GGA1: variants seen among roughly 807,000 people sequenced by gnomAD.
The protein encoded by GGA1 is ADP-ribosylation factor-binding protein GGA1.
A neutral mutation model predicts 76.9 loss-of-function variants in GGA1; 18 were observed. The observed-to-expected ratio is 0.23, with a 90% CI of 0.16 to 0.35. GGA1 has a LOEUF of 0.35. GGA1 is among the 10% of genes least tolerant of loss of function. The pLI, the probability that GGA1 is intolerant of heterozygous loss-of-function variation, is 1.00. For missense variants in GGA1, 755 were observed against 859.0 expected, an observed-to-expected ratio of 0.88 and a Z score of 1.51; for synonymous variants, 342 against 354.7, an observed-to-expected ratio of 0.96 and a Z score of 0.40.
At chr22:37,622,114 T>C (rs528068489) in intron 7 of GGA1, among the ~76,000 whole-genome samples, 1 of 152,262 alleles carries the variant, frequency 6.6e-6, no homozygotes, top group East Asian at 1.9e-4. Flanking sequence ...GGACTCACTC[T>C]CTAGCCCAAG....
intron 6 of GGA1, 73 bp downstream of exon 6, chr22:37,620,986 C>T (rs750657770): frequency 7.1e-5 from 63 of 883,886 alleles, no homozygotes; most frequent in Non-Finnish European, 1.0e-4. Context: ...CCTCTAGCTG[C>T]CCTGGCATCA....
Position 37,633,046 on chromosome 22 carries a change from C to T in GGA1, c.*335C>T. Reference sequence around the variant, plus strand: ...TTGGGGAAGGGCCAGGACCTCAGGCCCAGCCCCAACCCCAGCTGGGGTGGG... The same window carrying T: ...TTGGGGAAGGGCCAGGACCTCAGGCTCAGCCCCAACCCCAGCTGGGGTGGG... On this transcript the variant is annotated 3_prime_UTR_variant, in exon 17 of 17. Coordinates refer to ENST00000343632, the MANE Select transcript of GGA1 (RefSeq NM_013365.5). The T allele has an allele frequency of 3.6e-6, 1 of 274,724 alleles. No homozygotes were observed. The highest frequency in any genetic ancestry group is 7.1e-6 in the Non-Finnish European group (1 of 140,926). 17.0% of individuals were successfully genotyped at this position (274,724 alleles called of 1,614,324 possible). A position where few individuals can be genotyped will look rare whatever the true frequency, so the allele number is the denominator to read the frequency against.
chr22:37,624,933 C>G lies in GGA1; in HGVS notation c.833-36C>G. 1 of 1,551,096 alleles carries G rather than the reference C, an allele frequency of 6.4e-7. No homozygotes were observed. The highest frequency in any genetic ancestry group is 8.7e-7 in the Non-Finnish European group (1 of 1,146,790). On this transcript the variant is annotated intron_variant, in intron 9 of 16. Transcript: ENST00000343632. This position sits in a 1 kb window ranked among gnomAD's most constrained non-coding sequence, Gnocchi z 4.3. Reference sequence around the variant, plus strand: ...CCTGCCGCCCAGAGGCCCCCACAGTCCTTCAGCCTGGCCTCTCCCCTCCTG... The same window carrying G: ...CCTGCCGCCCAGAGGCCCCCACAGTGCTTCAGCCTGGCCTCTCCCCTCCTG...
intron 3 of GGA1, chr22:37,617,963 A>C (rs138206053): frequency 3.3e-3 from 505 of 155,206 alleles, no homozygotes; most frequent in Non-Finnish European, 5.6e-3. Flanking sequence ...GTCTACTAAA[A>C]ATAAAAAATT....
intron 1 of GGA1, among the ~76,000 whole-genome samples, chr22:37,613,407 T>G (rs1928117364): frequency 1.3e-5 from 2 of 151,312 alleles, no homozygotes; most frequent in Non-Finnish European, 1.5e-5. Context: ...TTTGTTTGTT[T>G]GAGACGGAGT....
chr22:37,613,021 A>G, intron 1 of GGA1: 1 of 985,398 alleles, frequency 1.0e-6, no homozygotes, highest in Non-Finnish European at 1.2e-6. Flanking sequence ...TTCATTTGCC[A>G]AGGGGAGACA....
Position 37,632,052 on chromosome 22 carries a change from T to G in GGA1, c.1585T>G (p.Phe529Val). ...GCACGGCTTCCGCATCCTCTTCCAT[T>G]TTGCCCGGGACCCACTGCCAGGGCG... ...DQHGFRILFH[F>V]ARDPLPGRSD... The change falls in exon 15 of 17, where the codon TTT becomes GTT. Residue 529 changes from phenylalanine to valine, a missense_variant. Coordinates refer to ENST00000343632, the MANE Select transcript of GGA1 (RefSeq NM_013365.5). The surrounding 1 kb of genome is among the most constrained non-coding windows in gnomAD (Gnocchi z 5.1). The G allele has an allele frequency of 6.2e-7, 1 of 1,613,568 alleles. No individual in the cohort carries two copies. The highest frequency in any genetic ancestry group is 8.5e-7 in the Non-Finnish European group (1 of 1,179,926).
chr22:37,609,274 C>G, intron 1 of GGA1: 3 of 1,141,570 alleles, frequency 2.6e-6, no homozygotes, highest in South Asian at 1.8e-5. Context: ...GGGGTTGCAT[C>G]TCACACCCGG....
intron 13 of GGA1, 138 bp from the exon 14 acceptor site, chr22:37,630,765 G>T (rs554065934): frequency 1.6e-6 from 1 of 633,228 alleles, no homozygotes; most frequent in Non-Finnish European, 2.8e-6. Context: ...ACCGGGTTTC[G>T]CCATGTTGCC....
At position 37,632,663 on chromosome 22, in the gene GGA1, G is replaced by A. The variant is rs748465828; in HGVS notation, c.1872G>A (p.Met624Ile). 15 of 1,613,164 alleles carry A rather than the reference G, an allele frequency of 9.3e-6. No individual in the cohort carries two copies. The highest frequency in any genetic ancestry group is 9.3e-6 in the Non-Finnish European group (11 of 1,179,332). ...FTMGDQTYNE[M>I]GDVDQFPPPE... ...TGGGTGACCAGACCTACAACGAGATGGGGGATGTGGACCAGTTCCCCCCAC... is the reference window on the plus strand; with the variant it reads ...TGGGTGACCAGACCTACAACGAGATAGGGGATGTGGACCAGTTCCCCCCAC... Residue 624 changes from methionine to isoleucine, a missense_variant, in exon 17 of 17, where the codon ATG becomes ATA. By Grantham distance (10) the Met-to-Ile change is conservative. Transcript: ENST00000343632. The surrounding 1 kb of genome is among the most constrained non-coding windows in gnomAD (Gnocchi z 5.1).
intron 1 of GGA1, among the ~76,000 whole-genome samples, chr22:37,613,575 A>T (rs1429360764): frequency 1.3e-5 from 2 of 151,806 alleles, no homozygotes; most frequent in Non-Finnish European, 2.9e-5. Flanking sequence ...TAATTTTTGT[A>T]TTTTTAGTAG....
chr22:37,626,111 C>T (rs537346709), intron 11 of GGA1, 162 bp downstream of exon 11: 3 of 480,290 alleles, frequency 6.2e-6, no homozygotes, highest in East Asian at 3.4e-5. Flanking sequence ...AACTGAGGCT[C>T]GGGGAAGTTA....
In GGA1 at chr22:37,632,256, C is replaced by A; in HGVS notation, c.1698+91C>A. 1 of 1,379,064 alleles carries A rather than the reference C, an allele frequency of 7.3e-7. No individual in the cohort carries two copies. The highest frequency in any genetic ancestry group is 1.0e-6 in the Non-Finnish European group (1 of 983,782). The allele number at this position is 1,379,064 out of a possible 1,614,324, so 85.4% of individuals were successfully genotyped here. On this transcript the variant is annotated intron_variant, in intron 15 of 16. Transcript: ENST00000343632. This position sits in a 1 kb window ranked among gnomAD's most constrained non-coding sequence, Gnocchi z 5.1. ...GGGAGCCACCTGTCAGGGGGCAGGTCTCCCTCCCTTGCTGGGTGGTTGGTG... is the reference window on the plus strand; with the variant it reads ...GGGAGCCACCTGTCAGGGGGCAGGTATCCCTCCCTTGCTGGGTGGTTGGTG...
intron 11 of GGA1, 94 bp from the exon 12 acceptor site, chr22:37,629,368 T>C (rs2071766): frequency 0.57 from 461,979 of 812,504 alleles, 133,739 homozygotes; most frequent in African/African-American, 0.78. Flanking sequence ...CAGAAAGGGG[T>C]AGGGAGCCCC....
Position 37,629,986 on chromosome 22 carries a change from T to C in GGA1, c.1159-12T>C. 3.3e-6 allele frequency: 5 copies of C among 1,525,354 alleles called. No homozygotes were observed. The highest frequency in any genetic ancestry group is 1.4e-5 in the African/African-American group (1 of 71,790). The allele number at this position is 1,525,354 out of a possible 1,614,324, so 94.5% of individuals were successfully genotyped here. ...AGACAGCCCCACCCCACCTGCATCC[T>C]TTTCCCCACAGTCGTCGGATGCCAC... On this transcript the variant is annotated splice_polypyrimidine_tract_variant and intron_variant, in intron 12 of 16. Transcript: ENST00000343632.
chr22:37,610,233 G>T (rs1489100718), intron 1 of GGA1: 1 of 152,234 alleles, frequency 6.6e-6, no homozygotes, highest in Non-Finnish European at 1.5e-5. Context: ...GGGTTTGGCT[G>T]GGCCCTGACA....
intron 13 of GGA1, 97 bp downstream of exon 13, chr22:37,630,267 G>T (rs1437789769): frequency 1.2e-6 from 1 of 864,300 alleles, no homozygotes; most frequent in East Asian, 2.9e-5. Flanking sequence ...GCAGGGAGAG[G>T]CTCGTTGCTG....
In GGA1 at chr22:37,617,669, A is replaced by G; in HGVS notation, c.204+672A>G. 4 of 619,990 alleles carry G rather than the reference A, an allele frequency of 6.5e-6. No homozygotes were observed. The South Asian group carries it at 2.9e-4, about 45-fold the overall frequency. 38.4% of individuals were successfully genotyped at this position (619,990 alleles called of 1,614,324 possible). On this transcript the variant is annotated intron_variant, in intron 3 of 16. Coordinates refer to ENST00000343632, the MANE Select transcript of GGA1 (RefSeq NM_013365.5). Reference sequence around the variant, plus strand: ...AGCTATGATTGTGCCACTGTACTCCAGACTGGACAACAGAGTGAGACCCCA... The same window carrying G: ...AGCTATGATTGTGCCACTGTACTCCGGACTGGACAACAGAGTGAGACCCCA...
In GGA1 at chr22:37,632,079, T is replaced by C; in HGVS notation, c.1612T>C (p.Ser538Pro). The C allele has an allele frequency of 6.2e-7, 1 of 1,613,712 alleles. No homozygotes were observed. ...TGCCCGGGACCCACTGCCAGGGCGC[T>C]CCGACGTGCTGGTGGTGGTGGTTTC... is the stretch of plus-strand genomic sequence containing the variant. ...HFARDPLPGRSDVLVVVVSML... is the reference protein window; with the variant it reads ...HFARDPLPGRPDVLVVVVSML... The change falls in exon 15 of 17, where the codon TCC becomes CCC. Residue 538 changes from serine (S) to proline (P), a missense_variant. By Grantham distance (74) the Ser-to-Pro change is moderately conservative. Transcript: ENST00000343632. The surrounding 1 kb of genome is among the most constrained non-coding windows in gnomAD (Gnocchi z 5.1).
Sources: allele counts gnomAD v4.1 joint callset (sites outside exome capture counted in the v4.1 genomes callset), GRCh38; gene constraint gnomAD v4.1.1; non-coding constraint Gnocchi (gnomAD v3.1); transcripts MANE v1.5; gene names NCBI Gene and HGNC (gene_info 2026-07-23, HGNC 2026-07-21).